HSPA12A: variants seen among roughly 807,000 people sequenced by gnomAD.
The protein encoded by HSPA12A is heat shock 70 kDa protein 12A.
Under a neutral mutation model 69.2 loss-of-function variants are expected in HSPA12A, and 28 were observed. That is an observed-to-expected ratio of 0.40 (90% CI 0.30 to 0.55). The LOEUF (loss-of-function observed/expected upper bound fraction) is 0.55, where lower values mean the gene tolerates loss of function less well. Among genes scored for constraint, HSPA12A ranks in the 20% least tolerant of loss-of-function variants. The probability of loss-of-function intolerance (pLI) is 0.38; values close to 1 mark genes in which losing one functional copy is unlikely to be tolerated. For synonymous variants in HSPA12A, 345 were observed against 370.5 expected (o/e 0.93, Z 0.79); for missense variants, 686 against 900.7 (o/e 0.76, Z 3.05).
chr10:116,775,576 G>A (rs1034791627), intron 2 of HSPA12A, among the ~76,000 whole-genome samples: 1 of 152,146 alleles, frequency 6.6e-6, no homozygotes, highest in Non-Finnish European at 1.5e-5. Context: ...GGCACCCGAT[G>A]AGAGGGGATG....
At chr10:116,846,220 A>T (rs1490389044) in intron 1 of HSPA12A, among the ~76,000 whole-genome samples, 1 of 152,190 alleles carries the variant, frequency 6.6e-6, no homozygotes, top group South Asian at 2.1e-4. Context: ...GAGAAAATTA[A>T]ATGAGTCTAT....
At chr10:116,726,771 T>C (rs1392112679) in intron 1 of HSPA12A, among the ~76,000 whole-genome samples, 1 of 152,210 alleles carries the variant, frequency 6.6e-6, no homozygotes, top group African/African-American at 2.4e-5. Flanking sequence ...ACTTTCTAGG[T>C]TTCTGTTTCT....
chr10:116,745,750 C>T (rs1554887759), upstream of HSPA12A, among the ~76,000 whole-genome samples: 2 of 152,194 alleles, frequency 1.3e-5, no homozygotes, highest in African/African-American at 4.8e-5. Flanking sequence ...TCCTCCAGGA[C>T]ACCACCTAGC....
At chr10:116,679,399 A>C in intron 10 of HSPA12A, 104 bp downstream of exon 10, 1 of 1,390,030 alleles carries the variant, frequency 7.2e-7, no homozygotes, top group Non-Finnish European at 9.9e-7. Context: ...TCATACAGCA[A>C]GTGTGTAGGA....
upstream of HSPA12A, among the ~76,000 whole-genome samples, chr10:116,743,849 G>C (rs1247195185): frequency 6.6e-6 from 1 of 152,228 alleles, no homozygotes; most frequent in Non-Finnish European, 1.5e-5. Flanking sequence ...GTTCCTGGCT[G>C]TGCATGAAAC....
intron 2 of HSPA12A, among the ~76,000 whole-genome samples, chr10:116,764,452 T>G (rs1472091459): frequency 6.6e-6 from 1 of 152,188 alleles, no homozygotes; most frequent in Non-Finnish European, 1.5e-5. Context: ...TTCTAGGACA[T>G]GTTAAGAAAA....
At chr10:116,742,588 G>T (rs1337721983), upstream of HSPA12A, 7 of 1,124,704 alleles carry the variant, frequency 6.2e-6, no homozygotes, top group East Asian at 3.3e-4. Context: ...CAGCGGGAGC[G>T]CTGCTCTGAC....
chr10:116,722,356 A>C (rs2133028170), intron 1 of HSPA12A, among the ~76,000 whole-genome samples: 1 of 152,196 alleles, frequency 6.6e-6, no homozygotes, highest in South Asian at 2.1e-4. Context: ...GAGAAGTGGG[A>C]GCTCGTGCTA....
chr10:116,712,977 A>AATATATATATATATATATATATAT lies in HSPA12A; in HGVS notation c.41-5716_41-5693dup, dbSNP rs56007651. Among the ~76,000 whole-genome samples, 642 of 80,616 alleles carry AATATATATATATATATATATATAT rather than the reference A, an allele frequency of 8.0e-3. 11 individuals carry two copies. The highest frequency in any genetic ancestry group is 8.9e-3 in the Non-Finnish European group (401 of 45,126). The allele number at this position is 80,616 out of a possible 152,430, so 52.9% of individuals were successfully genotyped here. On this transcript the variant is annotated intron_variant, in intron 1 of 11. Transcript: ENST00000369209. ...TGGTACTTATGATTTTAAAAAATGC[A>AATATATATATATATATATATATAT]ATATATATATATATATATATATATA...
chr10:116,844,559 T>C (rs1845849253), intron 1 of HSPA12A, among the ~76,000 whole-genome samples: 1 of 151,802 alleles, frequency 6.6e-6, no homozygotes, highest in East Asian at 1.9e-4. Context: ...TTATTTCCTA[T>C]GCGTGATGAC....
intron 1 of HSPA12A, among the ~76,000 whole-genome samples, chr10:116,842,038 T>G (rs148683390): frequency 6.6e-6 from 1 of 152,326 alleles, no homozygotes; most frequent in African/African-American, 2.4e-5. Flanking sequence ...GTAGAAATCA[T>G]CAGTTATAAG....
At chr10:116,769,969 A>G (rs2133114865) in intron 2 of HSPA12A, among the ~76,000 whole-genome samples, 1 of 152,326 alleles carries the variant, frequency 6.6e-6, no homozygotes, top group Non-Finnish European at 1.5e-5. Flanking sequence ...TCTCCAGGGA[A>G]GGCTGCAAGA....
At chr10:116,788,786 T>C (rs1844635449) in intron 2 of HSPA12A, among the ~76,000 whole-genome samples, 1 of 152,060 alleles carries the variant, frequency 6.6e-6, no homozygotes, top group African/African-American at 2.4e-5. Context: ...TAAACTCACA[T>C]AAATGAGAGA....
At chr10:116,818,969 CCT>C (rs1409790924) in intron 2 of HSPA12A, among the ~76,000 whole-genome samples, 3 of 152,056 alleles carry the variant, frequency 2.0e-5, no homozygotes, top group Non-Finnish European at 2.9e-5. Flanking sequence ...CTTTGCAGCC[CCT>C]GTCACTCTCT....
At chr10:116,771,961 T>C (rs1554890536) in intron 2 of HSPA12A, among the ~76,000 whole-genome samples, 1 of 152,160 alleles carries the variant, frequency 6.6e-6, no homozygotes, top group Non-Finnish European at 1.5e-5. Context: ...CGGCCACACC[T>C]GAACAGTCCC....
chr10:116,686,852 AT>A lies in HSPA12A; in HGVS notation c.664-2891del. 8.2e-6 allele frequency among the ~76,000 whole-genome samples: 1 copy of A among 121,934 alleles called. No individual in the cohort carries two copies. The highest frequency in any genetic ancestry group is 2.7e-4 in the South Asian group (1 of 3,736). The allele number at this position is 121,934 out of a possible 152,430, so 80.0% of individuals were successfully genotyped here. On this transcript the variant is annotated intron_variant, in intron 6 of 11. Coordinates refer to ENST00000369209, the MANE Select transcript of HSPA12A (RefSeq NM_025015.3). The surrounding 1 kb of genome is among the most constrained non-coding windows in gnomAD (Gnocchi z 4.1). ...TCCCAAACCATAAGCTCCACCCCTC[AT>A]CCCTCTTCCCACACCATAAGCTCCG...
chr10:116,746,046 G>GA (rs1252519112), upstream of HSPA12A, among the ~76,000 whole-genome samples: 2 of 151,896 alleles, frequency 1.3e-5, no homozygotes, highest in African/African-American at 4.8e-5. Context: ...AGAGCCCCCA[G>GA]ACCCTAGGAT....
intron 2 of HSPA12A, among the ~76,000 whole-genome samples, chr10:116,767,445 G>A (rs1844104592): frequency 1.3e-5 from 2 of 152,272 alleles, no homozygotes; most frequent in African/African-American, 4.8e-5. Flanking sequence ...CACCCCAGCT[G>A]CTGGGTGGAG....
chr10:116,741,007 G>A (rs115218974), intron 1 of HSPA12A, among the ~76,000 whole-genome samples: 122 of 146,766 alleles, frequency 8.3e-4, no homozygotes, highest in African/African-American at 2.7e-3. Flanking sequence ...CAGTTGCTGA[G>A]TGATGTTCAG....
Sources: allele counts gnomAD v4.1 joint callset (sites outside exome capture counted in the v4.1 genomes callset), GRCh38; gene constraint gnomAD v4.1.1; non-coding constraint Gnocchi (gnomAD v3.1); transcripts MANE v1.5; gene names NCBI Gene and HGNC (gene_info 2026-07-23, HGNC 2026-07-21).